The following PTPRB variants were observed in gnomAD, a reference collection of about 807,000 sequenced individuals.
The protein encoded by PTPRB is receptor-type tyrosine-protein phosphatase beta.
In PTPRB, 97 loss-of-function variants were observed where a neutral mutation model predicts 238.1. The observed-to-expected ratio is 0.41, with a 90% CI of 0.35 to 0.48. The LOEUF (loss-of-function observed/expected upper bound fraction) is 0.48. Among genes scored for constraint, PTPRB ranks in the 20% least tolerant of loss-of-function variants. The pLI, the probability that PTPRB is intolerant of heterozygous loss-of-function variation, is 0.30. For missense variants in PTPRB, 2,292 were observed against 2,681.9 expected (o/e 0.85, Z 3.21); for synonymous variants, 970 against 995.4 (o/e 0.97, Z 0.48).
Position 70,528,623 on chromosome 12 carries a change from TAGTG to T in PTPRB, c.6504+3408_6504+3411del, listed in dbSNP as rs780896642. On this transcript the variant is annotated intron_variant, in intron 32 of 33. Transcript: ENST00000334414. ...GAGTTTGAGTCTAGCCTGGTGAACA[TAGTG>T]AGATCTTATCTCCCCACGTAAATAA... Among the ~76,000 whole-genome samples, 10 of 152,292 alleles carry T rather than the reference TAGTG, an allele frequency of 6.6e-5. 1 individual carries two copies. Among genetic ancestry groups the T allele is most frequent in the South Asian group, 6.2e-4 (3 of 4,824 alleles).
chr12:70,622,351 A>G (rs372133983), intron 3 of PTPRB, 39 bp downstream of exon 3: 5 of 1,603,412 alleles, frequency 3.1e-6, no homozygotes, highest in Non-Finnish European at 4.3e-6. Context: ...GCCTCCTGAG[A>G]CGTGCACAGA....
At chr12:70,617,881 A>G (rs931632915) in intron 3 of PTPRB, among the ~76,000 whole-genome samples, 1 of 152,172 alleles carries the variant, frequency 6.6e-6, no homozygotes, top group East Asian at 1.9e-4. Context: ...ATTTAGAGAT[A>G]TTTAGCAGTA....
At chr12:70,617,468 TCA>T (rs1046393962) in intron 3 of PTPRB, among the ~76,000 whole-genome samples, 1 of 152,174 alleles carries the variant, frequency 6.6e-6, no homozygotes, top group Admixed American at 6.5e-5. Flanking sequence ...AGATGAAGGA[TCA>T]GAGGATGGTT....
chr12:70,570,927 C>G (rs1189154496), intron 13 of PTPRB, 99 bp downstream of exon 13: 2 of 1,339,272 alleles, frequency 1.5e-6, no homozygotes, highest in Admixed American at 2.1e-5. Context: ...TGCTGTCTCC[C>G]TTTTATCCCT....
chr12:70,564,843 AAATAATAATAATAATAATAATAAT>A (rs138995596), intron 15 of PTPRB, among the ~76,000 whole-genome samples: 26 of 96,518 alleles, frequency 2.7e-4, no homozygotes, highest in Non-Finnish European at 3.8e-4. Context: ...CAAAAATAAT[AAATAATAATAATAATAATAATAAT>A]AATAATAATA....
chr12:70,625,871 G>A (rs1885151186), intron 2 of PTPRB, among the ~76,000 whole-genome samples: 1 of 152,012 alleles, frequency 6.6e-6, no homozygotes, highest in South Asian at 2.1e-4. Context: ...AATCTAAAAA[G>A]TTTTAGCATT....
At chr12:70,576,746 C>T in intron 10 of PTPRB, 101 bp from the exon 11 acceptor site, 1 of 658,134 alleles carries the variant, frequency 1.5e-6, no homozygotes, top group Non-Finnish European at 2.6e-6. Flanking sequence ...TCAGCACAAA[C>T]CGTGGACTCA....
At position 70,516,223 on chromosome 12, in the gene PTPRB, C is replaced by G. The variant is rs187431173; in HGVS notation, c.*5266G>C. 40 of 152,262 alleles carry G rather than the reference C, an allele frequency of 2.6e-4. No homozygotes were observed. The highest frequency in any genetic ancestry group is 3.4e-3 in the Middle Eastern group (1 of 294). The allele number at this position is 152,262 out of a possible 1,614,324, so 9.4% of individuals were successfully genotyped here. A position where few individuals can be genotyped will look rare whatever the true frequency, so the allele number is the denominator to read the frequency against. ...GAAGGAATGGCTAGATTAACCTGCA[C>G]GGACAACAGTATTATTGGACACTGA... On this transcript the variant is annotated 3_prime_UTR_variant, in exon 34 of 34. Coordinates refer to ENST00000334414, the MANE Select transcript of PTPRB (RefSeq NM_001109754.4).
intron 8 of PTPRB, among the ~76,000 whole-genome samples, chr12:70,588,453 G>A (rs374476501): frequency 1.3e-5 from 2 of 152,108 alleles, no homozygotes; most frequent in East Asian, 1.9e-4. Flanking sequence ...GGCCAATATG[G>A]TGAAACCCCA....
chr12:70,609,150 G>A lies in PTPRB; in HGVS notation c.898C>T (p.Leu300Phe). ...ATGGTTCCTGCTTGTAAATCTTGAA[G>A]GTTACATCCGTATGTGGTGTTGTCT... The part of the protein sequence containing the change: ...RIDNTTYGCN[L>F]QDLQAGTIYN... The change falls in exon 4 of 34, where the codon CTT (leucine) becomes TTT (phenylalanine). Residue 300 changes from leucine (L) to phenylalanine (F), a missense_variant. By Grantham distance (22) the Leu-to-Phe change is conservative (BLOSUM62 0). Coordinates refer to ENST00000334414, the MANE Select transcript of PTPRB (RefSeq NM_001109754.4). 3 of 1,614,020 alleles carry A rather than the reference G, an allele frequency of 1.9e-6. No homozygotes were observed. Among genetic ancestry groups the A allele is most frequent in the Non-Finnish European group, 2.5e-6 (3 of 1,179,896 alleles).
At chr12:70,576,686 G>GGGGT in intron 10 of PTPRB, 41 bp from the exon 11 acceptor site, 1 of 334,770 alleles carries the variant, frequency 3.0e-6, no homozygotes. Flanking sequence ...GGGGGGGAAG[G>GGGGT]GGGATTCAAA....
intron 2 of PTPRB, among the ~76,000 whole-genome samples, chr12:70,630,834 A>T (rs999670254): frequency 8.5e-5 from 13 of 152,178 alleles, no homozygotes; most frequent in Non-Finnish European, 1.6e-4. Flanking sequence ...CACAATTGCT[A>T]CAAAGAGAAT....
intron 15 of PTPRB, among the ~76,000 whole-genome samples, chr12:70,564,254 G>A (rs1878920923): frequency 6.6e-6 from 1 of 152,222 alleles, no homozygotes; most frequent in Non-Finnish European, 1.5e-5. Context: ...GCTCATGCCT[G>A]TAATCCCAGC....
intron 22 of PTPRB, among the ~76,000 whole-genome samples, chr12:70,543,621 A>G (rs1480913439): frequency 9.2e-5 from 14 of 152,194 alleles, no homozygotes; most frequent in Admixed American, 9.2e-4. Flanking sequence ...CACGAGAGAC[A>G]GTTTTAGCTG....
chr12:70,619,636 G>A (rs977767472), intron 3 of PTPRB, among the ~76,000 whole-genome samples: 1 of 152,078 alleles, frequency 6.6e-6, no homozygotes, highest in East Asian at 1.9e-4. Flanking sequence ...AAGAGGCCAT[G>A]TGGAGGAGAA....
chr12:70,571,713 A>C, intron 12 of PTPRB, 111 bp downstream of exon 12: 2 of 1,202,962 alleles, frequency 1.7e-6, no homozygotes, highest in East Asian at 2.4e-5. Context: ...AGTGAGACTT[A>C]CTGGGAATGT....
chr12:70,555,103 T>C (rs1877454665), intron 20 of PTPRB, 57 bp downstream of exon 20: 2 of 1,555,496 alleles, frequency 1.3e-6, no homozygotes, highest in African/African-American at 2.8e-5. Context: ...ATCTCCCACA[T>C]GACCTCTGAG....
chr12:70,575,783 A>C (rs527358284), intron 11 of PTPRB, among the ~76,000 whole-genome samples: 1 of 152,318 alleles, frequency 6.6e-6, no homozygotes, highest in African/African-American at 2.4e-5. Flanking sequence ...TCTTTCCAGC[A>C]CATTGGACTG....
Position 70,524,446 on chromosome 12 carries a change from GGAAGTAAGT to G in PTPRB, c.6625+16_6625+24del, listed in dbSNP as rs1255978384. On this transcript the variant is annotated intron_variant, in intron 33 of 33. Transcript: ENST00000334414. ...ACCATATCTTGATGAAGAAACTTGG[GGAAGTAAGT>G]GAAGTAAGTGCCCACCTCTGTGATA... 6.4e-7 allele frequency: 1 copy of G among 1,573,396 alleles called. No homozygotes were observed. The highest frequency in any genetic ancestry group is 1.3e-5 in the African/African-American group (1 of 74,076).
Sources: gnomAD v4.1 joint callset for allele counts (sites outside exome capture counted in the v4.1 genomes callset) on GRCh38, gnomAD v4.1.1 for gene constraint, MANE v1.5 for transcripts, NCBI Gene and HGNC (gene_info 2026-07-23, HGNC 2026-07-21) for gene names.